Variants in LAMA3 observed in about 807,000 individuals in gnomAD.
The protein encoded by LAMA3 is laminin subunit alpha 3, also known as laminin subunit alpha-3.
LAMA3 carries 281 observed loss-of-function variants against 402.0 expected under a neutral mutation model. The observed-to-expected ratio is 0.70, with a 90% confidence interval of 0.63 to 0.77. The LOEUF (loss-of-function observed/expected upper bound fraction) is 0.77, where lower values mean the gene tolerates loss of function less well. Ranked by LOEUF, LAMA3 falls within the 30% of genes least tolerant of loss-of-function variation. The pLI, the probability that LAMA3 is intolerant of heterozygous loss-of-function variation, is 0.00. For missense variants in LAMA3, 3,840 were observed against 4,215.5 expected (o/e 0.91, Z 2.47); for synonymous variants, 1,431 against 1,558.4 (o/e 0.92, Z 1.93).
Position 23,813,587 on chromosome 18 carries a change from A to G in LAMA3, c.1788+484A>G, listed in dbSNP as rs1163472642. Among the ~76,000 whole-genome samples the G allele has an allele frequency of 3.5e-5, 4 of 114,308 alleles. No individual in the cohort carries two copies. In the East Asian group the frequency reaches 9.8e-4, roughly 28 times the overall value. The allele number at this position is 114,308 out of a possible 152,430, so 75.0% of individuals were successfully genotyped here. A position where few individuals can be genotyped will look rare whatever the true frequency, so the allele number is the denominator to read the frequency against. On this transcript the variant is annotated intron_variant, in intron 14 of 74. Transcript: ENST00000313654. ...TTTTTTTTTTTTGCTCTTGTCGCCC[A>G]GGCCGGAGTGCAGTGCCGCGATCTC...
intron 15 of LAMA3, 36 bp downstream of exon 15, chr18:23,814,538 A>T (rs752651490): frequency 1.6e-5 from 22 of 1,336,178 alleles, no homozygotes; most frequent in Non-Finnish European, 1.7e-5. Context: ...ACTATATTAT[A>T]ATGTTCTCTT....
intron 27 of LAMA3, among the ~76,000 whole-genome samples, chr18:23,840,884 G>A (rs2063686904): frequency 6.6e-6 from 1 of 152,152 alleles, no homozygotes; most frequent in South Asian, 2.1e-4. Flanking sequence ...TATGGGTTGA[G>A]CATCCCTAAT....
In LAMA3 at chr18:23,732,307, A is replaced by G. The variant is rs181429554; in HGVS notation, c.448-15636A>G. ...GGATGGGCAGCAGGGAAGAGGCGAG[A>G]GCTTTGGTGCAGAAAGATGAGATCC... On this transcript the variant is annotated intron_variant, in intron 2 of 74. Coordinates refer to ENST00000313654, the MANE Select transcript of LAMA3 (RefSeq NM_198129.4). 2.0e-5 allele frequency among the ~76,000 whole-genome samples: 3 copies of G among 152,128 alleles called. No individual in the cohort carries two copies. The East Asian group carries it at 5.8e-4, about 29-fold the overall frequency.
intron 67 of LAMA3, among the ~76,000 whole-genome samples, chr18:23,936,982 A>T (rs1388101513): frequency 2.0e-5 from 3 of 152,212 alleles, no homozygotes; most frequent in African/African-American, 7.2e-5. Context: ...AAGATTACTA[A>T]GCTGGTAGCA....
Position 23,916,680 on chromosome 18 carries a change from C to G in LAMA3, c.7908C>G (p.Phe2636Leu), listed in dbSNP as rs779703317. The G allele has an allele frequency of 1.2e-6, 2 of 1,614,154 alleles. No individual in the cohort carries two copies. Among genetic ancestry groups the G allele is most frequent in the South Asian group, 2.2e-5 (2 of 91,086 alleles). ...IQTTVDRGLL[F>L]FAENGDRFIS... ...CCACCGTGGATAGAGGCTTGCTGTTCTTTGCAGAAAACGGGGTAATCTATA... is the reference window on the plus strand; with the variant it reads ...CCACCGTGGATAGAGGCTTGCTGTTGTTTGCAGAAAACGGGGTAATCTATA... Residue 2636 changes from phenylalanine to leucine, a missense_variant, in exon 60 of 75, where the codon TTC becomes TTG. Physicochemically the swap from Phe to Leu is conservative, Grantham distance 22 (BLOSUM62 0). Coordinates refer to ENST00000313654, the MANE Select transcript of LAMA3 (RefSeq NM_198129.4).
rs35565501 is a variant in LAMA3 at position 23,861,738 on chromosome 18, T to C, written c.4515T>C (p.Asp1505=). ...FNPGSNSMVA[D]LQELPATIHS... ...CAGGCAGCAACAGTATGGTGGCGGA[T>C]CTCCAGGAGCTGCCCGCAACCATCC... Residue 1505 remains aspartate, a synonymous_variant, in exon 35 of 75, where the codon GAT becomes GAC. Coordinates refer to ENST00000313654, the MANE Select transcript of LAMA3 (RefSeq NM_198129.4). 21,832 of 1,613,962 alleles carry C rather than the reference T, an allele frequency of 0.014. 192 individuals are homozygous for C. Among genetic ancestry groups the C allele is most frequent in the Non-Finnish European group, 0.015 (17,423 of 1,179,954 alleles).
intron 5 of LAMA3, among the ~76,000 whole-genome samples, 157 bp from the exon 6 acceptor site, chr18:23,753,564 T>C (rs986455826): frequency 6.6e-6 from 1 of 152,224 alleles, no homozygotes; most frequent in Non-Finnish European, 1.5e-5. Context: ...TTGAGGAATG[T>C]GTTTATTTTA....
At chr18:23,717,957 G>A (rs1598638796) in intron 2 of LAMA3, among the ~76,000 whole-genome samples, 1 of 152,032 alleles carries the variant, frequency 6.6e-6, no homozygotes, top group South Asian at 2.1e-4. Context: ...CATACTTTCC[G>A]GGGTTGTTCA....
chr18:23,844,979 T>C (rs1335187652), intron 29 of LAMA3, 30 bp from the exon 30 acceptor site: 6 of 1,262,854 alleles, frequency 4.8e-6, no homozygotes, highest in Non-Finnish European at 5.8e-6. Context: ...TCATTGGAAA[T>C]TCTAAGACAT....
intron 32 of LAMA3, among the ~76,000 whole-genome samples, chr18:23,851,223 G>A (rs1474696144): frequency 6.6e-6 from 1 of 152,196 alleles, no homozygotes; most frequent in African/African-American, 2.4e-5. Flanking sequence ...TGACACAGTG[G>A]TGACGGCTGT....
chr18:23,922,169 G>A (rs930895908), intron 62 of LAMA3, among the ~76,000 whole-genome samples: 5 of 152,322 alleles, frequency 3.3e-5, no homozygotes, highest in South Asian at 2.1e-4. Context: ...TGGAATGCAC[G>A]TAAAAATAAC....
chr18:23,722,191 T>C (rs1450867452), intron 2 of LAMA3, among the ~76,000 whole-genome samples: 1 of 152,226 alleles, frequency 6.6e-6, no homozygotes, highest in East Asian at 1.9e-4. Context: ...ATTTTGGTGC[T>C]ATTCACAGTT....
At chr18:23,720,014 C>T (rs1481153357) in intron 2 of LAMA3, among the ~76,000 whole-genome samples, 2 of 152,218 alleles carry the variant, frequency 1.3e-5, no homozygotes, top group Non-Finnish European at 1.5e-5. Context: ...GTGTTCTGTT[C>T]ACTACATGAT....
intron 52 of LAMA3, among the ~76,000 whole-genome samples, chr18:23,906,718 C>T (rs914544305): frequency 1.2e-4 from 19 of 152,130 alleles, no homozygotes; most frequent in African/African-American, 4.3e-4. Context: ...TACTAACATA[C>T]AATCATTTGC....
At position 23,898,723 on chromosome 18, in the gene LAMA3, G is replaced by A. The variant is rs1568315052; in HGVS notation, c.5614-15G>A. The A allele has an allele frequency of 1.5e-6, 2 of 1,344,338 alleles. No homozygotes were observed. The highest frequency in any genetic ancestry group is 1.2e-5 in the South Asian group (1 of 85,600). 83.3% of individuals were successfully genotyped at this position (1,344,338 alleles called of 1,614,324 possible). A position where few individuals can be genotyped will look rare whatever the true frequency, so the allele number is the denominator to read the frequency against. ...TTATACTGTAAAGTGACATTCATTT[G>A]TGTTTTGTTTCCAGAATCAGTTGCT... On this transcript the variant is annotated splice_polypyrimidine_tract_variant and intron_variant, in intron 44 of 74. Coordinates refer to ENST00000313654, the MANE Select transcript of LAMA3 (RefSeq NM_198129.4).
At position 23,845,053 on chromosome 18, in the gene LAMA3, A is replaced by G. The variant is rs1251977597; in HGVS notation, c.3648A>G (p.Ile1216Met). 1.9e-6 allele frequency: 3 copies of G among 1,613,158 alleles called. No individual in the cohort carries two copies. Among genetic ancestry groups the G allele is most frequent in the African/African-American group, 1.3e-5 (1 of 74,896 alleles). Reference sequence around the variant, plus strand: ...CTGCAGAAAACTATGACTACCAAATACTTCACAAAAAATCCATGGACAAGT... The same window carrying G: ...CTGCAGAAAACTATGACTACCAAATGCTTCACAAAAAATCCATGGACAAGT... ...VVPAENYDYQ[I>M]LHKKSMDKSL... The change falls in exon 30 of 75, where the codon ATA (isoleucine) becomes ATG (methionine). Residue 1216 changes from isoleucine to methionine, a missense_variant. Coordinates refer to ENST00000313654, the MANE Select transcript of LAMA3 (RefSeq NM_198129.4).
intron 22 of LAMA3, among the ~76,000 whole-genome samples, chr18:23,827,076 G>A (rs2063397296): frequency 6.6e-6 from 1 of 152,194 alleles, no homozygotes; most frequent in Admixed American, 6.5e-5. Context: ...TCATACATCT[G>A]GTGGGAGGAA....
intron 2 of LAMA3, among the ~76,000 whole-genome samples, chr18:23,735,478 T>C (rs960254815): frequency 3.3e-5 from 5 of 152,228 alleles, no homozygotes; most frequent in South Asian, 2.1e-4. Flanking sequence ...GCCTGTCTCT[T>C]GTTTTATTTC....
At chr18:23,949,657 A>G in intron 70 of LAMA3, 108 bp from the exon 71 acceptor site, 1 of 1,048,952 alleles carries the variant, frequency 9.5e-7, no homozygotes, top group African/African-American at 1.5e-5. Context: ...ATGAATCCCT[A>G]CCTACCTTCC....
Sources: allele counts gnomAD v4.1 joint callset (sites outside exome capture counted in the v4.1 genomes callset), GRCh38; gene constraint gnomAD v4.1.1; transcripts MANE v1.5; gene names NCBI Gene and HGNC (gene_info 2026-07-23, HGNC 2026-07-21).